SNCAIP: variants seen among roughly 807,000 people sequenced by gnomAD.
SNCAIP encodes the protein synuclein alpha interacting protein.
SNCAIP carries 43 observed loss-of-function variants against 86.7 expected under a neutral mutation model. That is an observed-to-expected ratio of 0.50 (90% CI 0.39 to 0.64). The LOEUF (loss-of-function observed/expected upper bound fraction) is 0.64, where lower values mean the gene tolerates loss of function less well. Ranked by LOEUF, SNCAIP falls within the 30% of genes least tolerant of loss-of-function variation. SNCAIP has a pLI of 0.00. For missense variants in SNCAIP, 981 were observed against 1,103.1 expected (o/e 0.89, Z 1.57); for synonymous variants, 417 against 427.2 (o/e 0.98, Z 0.29).
chr5:122,393,619 A>G (rs913888509), intron 2 of SNCAIP, among the ~76,000 whole-genome samples: 17 of 152,170 alleles, frequency 1.1e-4, no homozygotes, highest in African/African-American at 4.8e-5. Flanking sequence ...GGGAGTTGCT[A>G]CTAGCATCTA....
intron 1 of SNCAIP, among the ~76,000 whole-genome samples, chr5:122,315,292 C>T (rs185043618): frequency 2.0e-4 from 30 of 152,280 alleles, no homozygotes; most frequent in Non-Finnish European, 4.1e-4. Flanking sequence ...GGTAACATAA[C>T]GAGTGGCTGG....
intron 1 of SNCAIP, among the ~76,000 whole-genome samples, chr5:122,370,168 T>G (rs1030735741): frequency 6.6e-6 from 1 of 152,112 alleles, no homozygotes; most frequent in Non-Finnish European, 1.5e-5. Context: ...TATCAAAATA[T>G]TACGTTTCCA....
intron 2 of SNCAIP, among the ~76,000 whole-genome samples, chr5:122,399,142 C>G (rs765918087): frequency 2.0e-5 from 3 of 152,104 alleles, no homozygotes; most frequent in Non-Finnish European, 2.9e-5. Context: ...CATTAGTTCT[C>G]ATGTCTTCAT....
chr5:122,377,710 C>A (rs1175391390), intron 1 of SNCAIP, among the ~76,000 whole-genome samples: 3 of 124,846 alleles, frequency 2.4e-5, no homozygotes, highest in Non-Finnish European at 4.8e-5. Flanking sequence ...CCACAACAGT[C>A]CCCAGAGTGT....
chr5:122,355,636 C>A (rs1346652051), intron 1 of SNCAIP, among the ~76,000 whole-genome samples: 1 of 152,170 alleles, frequency 6.6e-6, no homozygotes, highest in East Asian at 1.9e-4. Flanking sequence ...CAGAAAAGTA[C>A]CTCACATGGT....
chr5:122,422,342 G>A (rs1325179805), intron 3 of SNCAIP, among the ~76,000 whole-genome samples: 1 of 152,108 alleles, frequency 6.6e-6, no homozygotes, highest in East Asian at 1.9e-4. Flanking sequence ...GTCACTCAAG[G>A]AGGTCATAGT....
chr5:122,436,179 A>G (rs1025097468), intron 6 of SNCAIP, among the ~76,000 whole-genome samples: 1 of 152,056 alleles, frequency 6.6e-6, no homozygotes. Context: ...TTACTAGTTC[A>G]ATGGGTTAGA....
In SNCAIP at chr5:122,441,028, C is replaced by T. The variant is rs1780766344; in HGVS notation, c.1422+274C>T. The stretch of plus-strand genomic sequence containing the variant: ...TGCTCTAAAGCCCCAGTGCTGAGGA[C>T]AATAGACATTAAATTTCCCCATGTT... On this transcript the variant is annotated intron_variant, in intron 7 of 10. Coordinates refer to ENST00000261368, the MANE Select transcript of SNCAIP (RefSeq NM_005460.4). The T allele has an allele frequency of 7.9e-6, 3 of 377,862 alleles. No homozygotes were observed. In the Admixed American group the frequency reaches 1.2e-4, roughly 15 times the overall value. 23.4% of individuals were successfully genotyped at this position (377,862 alleles called of 1,614,324 possible). A position where few individuals can be genotyped will look rare whatever the true frequency, so the allele number is the denominator to read the frequency against.
chr5:122,394,244 C>CTA (rs1309658535), intron 2 of SNCAIP, among the ~76,000 whole-genome samples: 1 of 152,122 alleles, frequency 6.6e-6, no homozygotes, highest in Non-Finnish European at 1.5e-5. Context: ...TACTCTCTAG[C>CTA]TATAGCCCTA....
intron 1 of SNCAIP, among the ~76,000 whole-genome samples, chr5:122,342,678 T>C (rs1757822086): frequency 6.6e-6 from 1 of 152,132 alleles, no homozygotes; most frequent in South Asian, 2.1e-4. Context: ...AGGTAACTGG[T>C]GGTTAAAGGC....
At chr5:122,405,257 C>T (rs148351589) in intron 3 of SNCAIP, among the ~76,000 whole-genome samples, 1,631 of 152,238 alleles carry the variant, frequency 0.011, 24 homozygotes, top group African/African-American at 0.038. Context: ...AGAGAAGATA[C>T]GTGTACTAAT....
At chr5:122,455,143 T>TA (rs1784490040) in intron 10 of SNCAIP, among the ~76,000 whole-genome samples, 1 of 152,194 alleles carries the variant, frequency 6.6e-6, no homozygotes, top group Non-Finnish European at 1.5e-5. Flanking sequence ...TAACCTATAC[T>TA]TTATCATGGT....
intron 1 of SNCAIP, among the ~76,000 whole-genome samples, chr5:122,379,341 GT>G (rs1766132988): frequency 2.6e-5 from 1 of 38,868 alleles, no homozygotes; most frequent in Non-Finnish European, 5.0e-5. Flanking sequence ...CTCTCTGTTT[GT>G]CTGTTGTTGG....
At chr5:122,342,645 G>A (rs1423243276) in intron 1 of SNCAIP, among the ~76,000 whole-genome samples, 1 of 152,178 alleles carries the variant, frequency 6.6e-6, no homozygotes, top group Non-Finnish European at 1.5e-5. Context: ...GGGAGGGTAA[G>A]GAACTTGCCT....
At chr5:122,330,139 T>TTTTTTTTG (rs60571600) in intron 1 of SNCAIP, among the ~76,000 whole-genome samples, 1 of 140,590 alleles carries the variant, frequency 7.1e-6, no homozygotes, top group African/African-American at 2.6e-5. Flanking sequence ...TTTTTTTTTT[T>TTTTTTTTG]GAGACGGAGT....
intron 10 of SNCAIP, among the ~76,000 whole-genome samples, chr5:122,462,032 T>A (rs1232379461): frequency 6.6e-6 from 1 of 152,260 alleles, no homozygotes; most frequent in African/African-American, 2.4e-5. Flanking sequence ...TGCGTATCTT[T>A]ATCTTCCTTT....
Position 122,369,274 on chromosome 5 carries a change from G to A in SNCAIP, c.-46-21815G>A, listed in dbSNP as rs146323834. On this transcript the variant is annotated intron_variant, in intron 1 of 10. Transcript: ENST00000261368. ...GTGAGAATATAATGCCCAAATGAAG[G>A]CAGTATGTTTTATTTCTCCTCCTCT... 2.1e-3 allele frequency among the ~76,000 whole-genome samples: 323 copies of A among 152,260 alleles called. 3 individuals carry two copies. Among genetic ancestry groups the A allele is most frequent in the African/African-American group, 7.5e-3 (311 of 41,544 alleles).
intron 1 of SNCAIP, among the ~76,000 whole-genome samples, chr5:122,386,919 C>T (rs560080009): frequency 3.9e-5 from 6 of 152,016 alleles, no homozygotes; most frequent in East Asian, 1.9e-4. Flanking sequence ...GATTTCAATC[C>T]GTGGACAATA....
intron 1 of SNCAIP, chr5:122,336,731 A>T (rs1255327042): frequency 6.6e-6 from 1 of 152,232 alleles, no homozygotes; most frequent in Non-Finnish European, 1.5e-5. Context: ...CTCCCAAGCA[A>T]CTAGGACCCC....
Sources: allele counts gnomAD v4.1 joint callset (sites outside exome capture counted in the v4.1 genomes callset), GRCh38; gene constraint gnomAD v4.1.1; transcripts MANE v1.5; gene names NCBI Gene and HGNC (gene_info 2026-07-23, HGNC 2026-07-21).